Variants in RBCK1 observed in about 807,000 individuals in gnomAD.
RBCK1 encodes the protein ranBP-type and C3HC4-type zinc finger-containing protein 1.
RBCK1 carries 44 observed loss-of-function variants against 71.1 expected under a neutral mutation model. The observed-to-expected ratio is 0.62, with a 90% CI of 0.49 to 0.80. RBCK1 has a LOEUF of 0.80. Ranked by LOEUF, RBCK1 falls within the 30% of genes least tolerant of loss-of-function variation. The probability of loss-of-function intolerance (pLI) is 0.00; values close to 1 mark genes in which losing one functional copy is unlikely to be tolerated. For missense variants in RBCK1, 569 were observed against 685.0 expected (o/e 0.83, Z 1.89); for synonymous variants, 306 against 279.7 (o/e 1.09, Z -0.94).
intron 2 of RBCK1, among the ~76,000 whole-genome samples, chr20:412,549 C>T (rs1600277018): frequency 6.6e-6 from 1 of 152,288 alleles, no homozygotes; most frequent in East Asian, 1.9e-4. Flanking sequence ...AACTCCTGAC[C>T]TCAGGTGATC....
At chr20:421,978 G>C (rs2016462872) in intron 7 of RBCK1, 149 bp from the exon 8 acceptor site, 7 of 608,574 alleles carry the variant, frequency 1.2e-5, no homozygotes, top group African/African-American at 1.9e-5. Flanking sequence ...GGGTTGGTGA[G>C]AGGGATGGGA....
intron 8 of RBCK1, among the ~76,000 whole-genome samples, chr20:425,189 T>G (rs898234721): frequency 6.6e-6 from 1 of 152,124 alleles, no homozygotes; most frequent in Non-Finnish European, 1.5e-5. Flanking sequence ...TTTTGTATTT[T>G]CAGTACAGAC....
Position 419,634 on chromosome 20 carries a change from GC to G in RBCK1, c.663del (p.Glu222ArgfsTer54), listed in dbSNP as rs2122245228. 5 of 1,588,618 alleles carry G rather than the reference GC, an allele frequency of 3.1e-6. No homozygotes were observed. Among genetic ancestry groups the G allele is most frequent in the Admixed American group, 1.8e-5 (1 of 56,802 alleles). ...RPGCEMCCRA[R>X]PEAYQVPASY... is the part of the protein sequence containing the mutation. Reference sequence around the variant, plus strand: ...GGCTGTGAGATGTGCTGCCGGGCGCGCCCCGAGGCCTACCAGGTCCCCGCCT... The same window carrying G: ...GGCTGTGAGATGTGCTGCCGGGCGCGCCCGAGGCCTACCAGGTCCCCGCCT... On this transcript the variant is annotated frameshift_variant, in exon 6 of 12. Coordinates refer to ENST00000356286, the MANE Select transcript of RBCK1 (RefSeq NM_031229.4). LOFTEE classifies it high-confidence loss of function.
chr20:428,804 G>A lies in RBCK1; in HGVS notation c.1309-147G>A. 1 of 1,434,856 alleles carries A rather than the reference G, an allele frequency of 7.0e-7. No individual in the cohort carries two copies. The allele number at this position is 1,434,856 out of a possible 1,614,324, so 88.9% of individuals were successfully genotyped here. A position where few individuals can be genotyped will look rare whatever the true frequency, so the allele number is the denominator to read the frequency against. ...TGGAGACCACAGGAATGAAGAGGGG[G>A]TTGCTGGATGGAGCCTGGCCTGGCA... On this transcript the variant is annotated intron_variant, in intron 10 of 11. Transcript: ENST00000356286. The surrounding 1 kb of genome is among the most constrained non-coding windows in gnomAD (Gnocchi z 5.7).
rs1187010151 is a variant in RBCK1 at position 417,580 on chromosome 20, A to G, written c.222A>G (p.Thr74=). 1.9e-6 allele frequency: 3 copies of G among 1,614,044 alleles called. No individual in the cohort carries two copies. The highest frequency in any genetic ancestry group is 2.2e-5 in the South Asian group (2 of 91,088). ...TGCACACCGTCACCATCTGGCTCAC[A>G]GTGCGCCCTGATATGACAGTGGCGT... The part of the protein sequence containing the change: ...AQMHTVTIWL[T]VRPDMTVASL... Residue 74 remains threonine (T), a synonymous_variant, in exon 3 of 12, where the codon ACA becomes ACG. Transcript: ENST00000356286. This position sits in a 1 kb window ranked among gnomAD's most constrained non-coding sequence, Gnocchi z 4.7.
chr20:408,679 C>A lies in RBCK1; in HGVS notation c.-79C>A. 6.3e-7 allele frequency: 1 copy of A among 1,579,418 alleles called. No homozygotes were observed. The highest frequency in any genetic ancestry group is 1.3e-5 in the African/African-American group (1 of 74,548). ...CCTGGCTGAGTTGCTCCTGGTCTCC[C>A]GCCTCTCCCAGGCGACCCGGAGGTA... On this transcript the variant is annotated 5_prime_UTR_variant, in exon 1 of 12. Transcript: ENST00000356286.
At chr20:423,758 T>C (rs1433649914) in intron 8 of RBCK1, among the ~76,000 whole-genome samples, 1 of 152,182 alleles carries the variant, frequency 6.6e-6, no homozygotes, top group Non-Finnish European at 1.5e-5. Flanking sequence ...TGGGCTGGAC[T>C]TACCTGGATG....
rs201030033 is a variant in RBCK1 at position 419,678 on chromosome 20, G to A, written c.703G>A (p.Glu235Lys). ...CCCCGCCTCATACCAGCCCGACGAG[G>A]AGGAGCGAGCGCGCCTGGCGGGCGA... ...QVPASYQPDE[E>K]ERARLAGEEE... Residue 235 changes from glutamate (E) to lysine (K), a missense_variant, in exon 6 of 12, where the codon GAG becomes AAG. Physicochemically the swap from Glu to Lys is moderately conservative, Grantham distance 56 (BLOSUM62 1). Coordinates refer to ENST00000356286, the MANE Select transcript of RBCK1 (RefSeq NM_031229.4). The A allele has an allele frequency of 4.0e-4, 634 of 1,579,578 alleles. 1 individual carries two copies. Among genetic ancestry groups the A allele is most frequent in the Non-Finnish European group, 5.1e-4 (594 of 1,165,698 alleles).
Position 421,014 on chromosome 20 carries a change from T to G in RBCK1, c.900T>G (p.Cys300Trp), listed in dbSNP as rs867509895. Residue 300 changes from cysteine (C) to tryptophan (W), a missense_variant, in exon 7 of 12, where the codon TGT (cysteine) becomes TGG (tryptophan). Cys to Trp is a radical substitution (Grantham distance 215). This residue lies in a region of RBCK1 where 211 missense variants were observed against 309.4 expected (regional missense o/e 0.68). Transcript: ENST00000356286. ...GCGAGGCCGTGGTGCTGCGTGAGTGTCTGCACACCTTCTGCAGGTGCGGCC... is the reference window on the plus strand; with the variant it reads ...GCGAGGCCGTGGTGCTGCGTGAGTGGCTGCACACCTTCTGCAGGTGCGGCC... ...APGEAVVLRE[C>W]LHTFCRECLQ... is the part of the protein sequence containing the mutation. 1 of 1,562,658 alleles carries G rather than the reference T, an allele frequency of 6.4e-7. No individual in the cohort carries two copies. The highest frequency in any genetic ancestry group is 8.7e-7 in the Non-Finnish European group (1 of 1,153,850).
Position 422,030 on chromosome 20 carries a change from G to C in RBCK1, c.918-97G>C. The C allele has an allele frequency of 1.1e-6, 1 of 887,170 alleles. No homozygotes were observed. The highest frequency in any genetic ancestry group is 1.8e-6 in the Non-Finnish European group (1 of 562,744). The allele number at this position is 887,170 out of a possible 1,614,324, so 55.0% of individuals were successfully genotyped here. A position where few individuals can be genotyped will look rare whatever the true frequency, so the allele number is the denominator to read the frequency against. On this transcript the variant is annotated intron_variant, in intron 7 of 11. Transcript: ENST00000356286. The surrounding 1 kb of genome is among the most constrained non-coding windows in gnomAD (Gnocchi z 5.0). ...GGAGAAGTCCACCTGGGGTGACTGA[G>C]TGAGGCCCCTGGGGTCAGGCCTTGC...
chr20:428,373 C>T lies in RBCK1; in HGVS notation c.1210-118C>T, dbSNP rs1003990019. 6.5e-6 allele frequency: 4 copies of T among 611,960 alleles called. No homozygotes were observed. Among genetic ancestry groups the T allele is most frequent in the Non-Finnish European group, 1.1e-5 (4 of 355,048 alleles). The allele number at this position is 611,960 out of a possible 1,614,324, so 37.9% of individuals were successfully genotyped here. On this transcript the variant is annotated intron_variant, in intron 9 of 11. Transcript: ENST00000356286. The surrounding 1 kb of genome is among the most constrained non-coding windows in gnomAD (Gnocchi z 5.7). Reference sequence around the variant, plus strand: ...TATGCATTACAAAGTGAGGTCCTGCCAGTGACTACACCTAGAGGCATTAAG... The same window carrying T: ...TATGCATTACAAAGTGAGGTCCTGCTAGTGACTACACCTAGAGGCATTAAG...
At chr20:418,893 T>A (rs930533725) in intron 4 of RBCK1, among the ~76,000 whole-genome samples, 1 of 152,272 alleles carries the variant, frequency 6.6e-6, no homozygotes, top group Non-Finnish European at 1.5e-5. Context: ...ACTCAGATTT[T>A]ACCAGTTGTC....
In RBCK1 at chr20:417,952, C is replaced by A; in HGVS notation, c.460+22C>A. ...GAAGGTGAGGCTCTGCCCTGAGCAC[C>A]GCCGGACCCAGCGGGGGCCCTGGAC... On this transcript the variant is annotated intron_variant, in intron 4 of 11. Transcript: ENST00000356286. This position sits in a 1 kb window ranked among gnomAD's most constrained non-coding sequence, Gnocchi z 4.7. The A allele has an allele frequency of 6.3e-7, 1 of 1,594,324 alleles. No homozygotes were observed. The highest frequency in any genetic ancestry group is 8.5e-7 in the Non-Finnish European group (1 of 1,175,500).
Position 432,101 on chromosome 20 carries a change from TACC to T in RBCK1, c.*1674_*1676del, listed in dbSNP as rs1368691249. 1.3e-5 allele frequency among the ~76,000 whole-genome samples: 2 copies of T among 152,224 alleles called. No homozygotes were observed. Among genetic ancestry groups the T allele is most frequent in the Non-Finnish European group, 1.5e-5 (1 of 68,042 alleles). On this transcript the variant is annotated 3_prime_UTR_variant, in exon 12 of 12. Coordinates refer to ENST00000356286, the MANE Select transcript of RBCK1 (RefSeq NM_031229.4). The surrounding 1 kb of genome is among the most constrained non-coding windows in gnomAD (Gnocchi z 4.3). ...ATCTTTTTAAATTGGCAACATCGTT[TACC>T]ACATTAAAATCTAGATGCCCTGCTT...
At position 417,395 on chromosome 20, in the gene RBCK1, TTGTG is replaced by T. The variant is rs67707964; in HGVS notation, c.168-106_168-103del. 0.012 allele frequency: 8,968 copies of T among 748,252 alleles called. No individual in the cohort carries two copies. Among genetic ancestry groups the T allele is most frequent in the East Asian group, 0.037 (1,277 of 34,900 alleles). 46.4% of individuals were successfully genotyped at this position (748,252 alleles called of 1,614,324 possible). ...GGTGGGGCCTACCCCAGACTGGGGT[TTGTG>T]TGTGTGTGTGTGTGTGTGTGTGTGC... is the stretch of plus-strand genomic sequence containing the variant. On this transcript the variant is annotated intron_variant, in intron 2 of 11. Coordinates refer to ENST00000356286, the MANE Select transcript of RBCK1 (RefSeq NM_031229.4). The surrounding 1 kb of genome is among the most constrained non-coding windows in gnomAD (Gnocchi z 4.7).
Position 410,458 on chromosome 20 carries a change from C to T in RBCK1, c.167+433C>T, listed in dbSNP as rs758654522. 3 of 779,592 alleles carry T rather than the reference C, an allele frequency of 3.8e-6. No homozygotes were observed. The African/African-American group carries it at 5.1e-5, about 13-fold the overall frequency. The allele number at this position is 779,592 out of a possible 1,614,324, so 48.3% of individuals were successfully genotyped here. A position where few individuals can be genotyped will look rare whatever the true frequency, so the allele number is the denominator to read the frequency against. On this transcript the variant is annotated intron_variant, in intron 2 of 11. Coordinates refer to ENST00000356286, the MANE Select transcript of RBCK1 (RefSeq NM_031229.4). ...CCATTCCAGCTCCATCCAGCCATCACATCACAGGAGGAAGGGAAGAAAGAC... is the reference window on the plus strand; with the variant it reads ...CCATTCCAGCTCCATCCAGCCATCATATCACAGGAGGAAGGGAAGAAAGAC...
intron 1 of RBCK1, among the ~76,000 whole-genome samples, chr20:409,507 A>C (rs2015569934): frequency 6.7e-6 from 1 of 149,842 alleles, no homozygotes. Flanking sequence ...TTGTCTCCCC[A>C]CTGGGCAGGG....
chr20:409,563 C>G (rs2015573223), intron 1 of RBCK1, among the ~76,000 whole-genome samples: 1 of 151,910 alleles, frequency 6.6e-6, no homozygotes, highest in African/African-American at 2.4e-5. Flanking sequence ...CTGTGGGATT[C>G]CAGTTCCTGG....
In RBCK1 at chr20:418,648, G is replaced by A. The variant is rs570391132; in HGVS notation, c.461-699G>A. Among the ~76,000 whole-genome samples, 120 of 152,350 alleles carry A rather than the reference G, an allele frequency of 7.9e-4. 2 individuals are homozygous for A. The South Asian group carries it at 7.9e-3, about 10-fold the overall frequency. On this transcript the variant is annotated intron_variant, in intron 4 of 11. Coordinates refer to ENST00000356286, the MANE Select transcript of RBCK1 (RefSeq NM_031229.4). ...CTCCCAAAGTGCTGGGATTACAGGC[G>A]TGAGCCACCACGCCCAACCCACATT...
Sources: gnomAD v4.1 joint callset for allele counts (sites outside exome capture counted in the v4.1 genomes callset) on GRCh38, gnomAD v4.1.1 for gene constraint, gnomAD v4.1.1 regional missense constraint, Gnocchi (gnomAD v3.1) non-coding constraint, MANE v1.5 for transcripts, NCBI Gene and HGNC (gene_info 2026-07-23, HGNC 2026-07-21) for gene names.